CFAP77: variants seen among roughly 807,000 people sequenced by gnomAD.
CFAP77 encodes the protein cilia- and flagella-associated protein 77.
A neutral mutation model predicts 31.1 loss-of-function variants in CFAP77; 25 were observed. The observed-to-expected ratio is 0.80, with a 90% confidence interval of 0.59 to 1.12. The LOEUF (loss-of-function observed/expected upper bound fraction) is 1.12, where lower values mean the gene tolerates loss of function less well. Ranked by LOEUF, CFAP77 falls within the 50% of genes most tolerant of loss-of-function variation. CFAP77 has a pLI of 0.00. For synonymous variants in CFAP77, 151 were observed against 159.9 expected, an observed-to-expected ratio of 0.94 and a Z score of 0.42; for missense variants, 377 against 397.3, an observed-to-expected ratio of 0.95 and a Z score of 0.44.
At chr9:132,561,007 C>T (rs182490865) in intron 5 of CFAP77, among the ~76,000 whole-genome samples, 1 of 152,296 alleles carries the variant, frequency 6.6e-6, no homozygotes, top group East Asian at 1.9e-4. Flanking sequence ...GAATAACAAT[C>T]TAGGGGACCA....
chr9:132,496,595 C>T (rs190238552), intron 1 of CFAP77, among the ~76,000 whole-genome samples: 382 of 152,298 alleles, frequency 2.5e-3, no homozygotes, highest in African/African-American at 8.6e-3. Context: ...ATGCAGGATG[C>T]GGCAGCCCTC....
Position 132,572,498 on chromosome 9 carries a change from C to A in CFAP77, c.843C>A (p.Tyr281Ter). 1 of 1,606,360 alleles carries A rather than the reference C, an allele frequency of 6.2e-7. No individual in the cohort carries two copies. Among genetic ancestry groups the A allele is most frequent in the Non-Finnish European group, 8.5e-7 (1 of 1,179,564 alleles). The part of the protein sequence containing the change: ...VRQGTLRMGN[Y>*]THP ...AGGGGACCCTGCGGATGGGCAACTA[C>A]ACCCACCCCTAGCCCCTCCCTCCCC... The change falls in exon 6 of 6, where the codon TAC (tyrosine) becomes TAA (stop). Residue 281 changes from tyrosine to a stop codon, truncating the protein, a stop_gained. Transcript: ENST00000393216. LOFTEE classifies it high-confidence loss of function.
rs56232343 is a variant in CFAP77, at chr9:132,471,687, TTTTTG to T, written c.196-26984_196-26980del. Among the ~76,000 whole-genome samples the T allele has an allele frequency of 6.8e-3, 1,010 of 148,816 alleles. 6 individuals carry two copies. The highest frequency in any genetic ancestry group is 0.024 in the Middle Eastern group (7 of 292). ...GGAGCATTGTGAGAGAGGGGGGTTG[TTTTTG>T]TTTTGTTTTGTTTTGTTTTGTTTGT... On this transcript the variant is annotated intron_variant, in intron 1 of 5. Coordinates refer to ENST00000393216, the MANE Select transcript of CFAP77 (RefSeq NM_001282957.2).
intron 1 of CFAP77, among the ~76,000 whole-genome samples, chr9:132,444,241 T>C (rs1218692220): frequency 6.6e-6 from 1 of 152,226 alleles, no homozygotes; most frequent in Non-Finnish European, 1.5e-5. Context: ...TTTGTGAGGC[T>C]AAGGCGCTCA....
intron 3 of CFAP77, among the ~76,000 whole-genome samples, chr9:132,523,596 TG>T (rs974365373): frequency 7.2e-5 from 11 of 152,316 alleles, no homozygotes; most frequent in African/African-American, 2.6e-4. Flanking sequence ...AGTGAACAAC[TG>T]GGAGGCACAG....
At chr9:132,429,814 G>A (rs538984085) in intron 1 of CFAP77, among the ~76,000 whole-genome samples, 53 of 152,180 alleles carry the variant, frequency 3.5e-4, no homozygotes, top group African/African-American at 1.1e-3. Flanking sequence ...TCGCGTCACT[G>A]CACTCCAGCC....
chr9:132,466,554 G>A (rs572310960), intron 1 of CFAP77, among the ~76,000 whole-genome samples: 215 of 152,328 alleles, frequency 1.4e-3, no homozygotes, highest in Non-Finnish European at 2.7e-3. Flanking sequence ...CTCTTCCCAA[G>A]GACCCGATGT....
intron 1 of CFAP77, among the ~76,000 whole-genome samples, chr9:132,458,357 G>GGGGGGTGGGGGT (rs139008147): frequency 1.7e-5 from 2 of 119,042 alleles, no homozygotes; most frequent in Non-Finnish European, 3.5e-5. Flanking sequence ...GAGGGGGGGG[G>GGGGGGTGGGGGT]GTGTGTATGG....
intron 4 of CFAP77, among the ~76,000 whole-genome samples, 159 bp from the exon 5 acceptor site, chr9:132,542,787 G>A (rs1048309602): frequency 2.6e-5 from 4 of 152,068 alleles, no homozygotes; most frequent in African/African-American, 9.7e-5. Flanking sequence ...GGAGGCAGGT[G>A]GTGTGAAACA....
chr9:132,521,767 T>TG, intron 3 of CFAP77, among the ~76,000 whole-genome samples: 3 of 106,426 alleles, frequency 2.8e-5, no homozygotes, highest in Non-Finnish European at 5.6e-5. Context: ...ACTTGCTTTT[T>TG]TTTTTTTTTT....
intron 5 of CFAP77, among the ~76,000 whole-genome samples, chr9:132,549,723 A>C (rs1852794788): frequency 6.6e-6 from 1 of 152,148 alleles, no homozygotes. Flanking sequence ...CTGTAATCAC[A>C]GCTACTCGGT....
rs142649795 is a variant in CFAP77 at position 132,514,662 on chromosome 9, C to T, written c.524+15062C>T. Among the ~76,000 whole-genome samples, 93 of 152,304 alleles carry T rather than the reference C, an allele frequency of 6.1e-4. No homozygotes were observed. In the East Asian group the frequency reaches 0.016, roughly 26 times the overall value. On this transcript the variant is annotated intron_variant, in intron 3 of 5. Coordinates refer to ENST00000393216, the MANE Select transcript of CFAP77 (RefSeq NM_001282957.2). Reference sequence around the variant, plus strand: ...TTCATCCTTGTGAAAAGTGTTAACACGTTGCAAATGACCTCTCATTCAGAT... The same window carrying T: ...TTCATCCTTGTGAAAAGTGTTAACATGTTGCAAATGACCTCTCATTCAGAT...
chr9:132,444,385 A>G (rs150700168), intron 1 of CFAP77, among the ~76,000 whole-genome samples: 71 of 152,364 alleles, frequency 4.7e-4, no homozygotes, highest in Non-Finnish European at 8.2e-4. Context: ...TCCTTTGAGA[A>G]TCTGCCTTAT....
At chr9:132,447,343 CATT>C (rs1850743268) in intron 1 of CFAP77, among the ~76,000 whole-genome samples, 1 of 152,182 alleles carries the variant, frequency 6.6e-6, no homozygotes, top group African/African-American at 2.4e-5. Context: ...AGTTAATGAT[CATT>C]GTTGTGTTAG....
At position 132,419,628 on chromosome 9, in the gene CFAP77, G is replaced by A. The variant is rs538469308; in HGVS notation, c.195+9162G>A. Among the ~76,000 whole-genome samples, 7 of 152,226 alleles carry A rather than the reference G, an allele frequency of 4.6e-5. 1 individual carries two copies. The South Asian group carries it at 8.3e-4, about 18-fold the overall frequency. On this transcript the variant is annotated intron_variant, in intron 1 of 5. Coordinates refer to ENST00000393216, the MANE Select transcript of CFAP77 (RefSeq NM_001282957.2). ...CATAATATTCCCATTATGTAGAATC[G>A]CATTTATATTTTCCATCTGCTTCCC... is the stretch of plus-strand genomic sequence containing the variant.
intron 1 of CFAP77, among the ~76,000 whole-genome samples, chr9:132,456,391 C>T (rs1466155470): frequency 6.6e-6 from 1 of 152,158 alleles, no homozygotes; most frequent in Non-Finnish European, 1.5e-5. Flanking sequence ...GCGCTTGACT[C>T]ATTCATCTTC....
At chr9:132,445,526 A>C (rs781542494) in intron 1 of CFAP77, among the ~76,000 whole-genome samples, 6 of 152,218 alleles carry the variant, frequency 3.9e-5, no homozygotes, top group Non-Finnish European at 7.3e-5. Context: ...GGCTATTGTG[A>C]ATAGTGCTGC....
intron 3 of CFAP77, among the ~76,000 whole-genome samples, chr9:132,524,152 T>C (rs1435158770): frequency 6.6e-6 from 1 of 151,918 alleles, no homozygotes; most frequent in Non-Finnish European, 1.5e-5. Context: ...TACTTAGTAT[T>C]CTTTGATTTG....
At position 132,499,173 on chromosome 9, in the gene CFAP77, C is replaced by A. The variant is rs918842791; in HGVS notation, c.296-199C>A. Among the ~76,000 whole-genome samples, 3 of 152,198 alleles carry A rather than the reference C, an allele frequency of 2.0e-5. No individual in the cohort carries two copies. The highest frequency in any genetic ancestry group is 7.2e-5 in the African/African-American group (3 of 41,440). Reference sequence around the variant, plus strand: ...CCAGGGAAGATGCTTGGCTTGGGTACCCTCAGGATCTCTGGGAGCCCTGAT... The same window carrying A: ...CCAGGGAAGATGCTTGGCTTGGGTAACCTCAGGATCTCTGGGAGCCCTGAT... On this transcript the variant is annotated intron_variant, in intron 2 of 5. Coordinates refer to ENST00000393216, the MANE Select transcript of CFAP77 (RefSeq NM_001282957.2). This position sits in a 1 kb window ranked among gnomAD's most constrained non-coding sequence, Gnocchi z 5.4.
Sources: gnomAD v4.1 joint callset for allele counts (sites outside exome capture counted in the v4.1 genomes callset) on GRCh38, gnomAD v4.1.1 for gene constraint, Gnocchi (gnomAD v3.1) non-coding constraint, MANE v1.5 for transcripts, NCBI Gene and HGNC (gene_info 2026-07-23, HGNC 2026-07-21) for gene names.